TMEM233: variants seen among roughly 807,000 people sequenced by gnomAD.
TMEM233 encodes dispanin subfamily B member 2.
Under a neutral mutation model 11.2 loss-of-function variants are expected in TMEM233, and 6 were observed. The ratio of observed to expected loss-of-function variants is 0.54; its 90% CI spans 0.29 to 1.06. The LOEUF (loss-of-function observed/expected upper bound fraction) is 1.06. Among genes scored for constraint, TMEM233 ranks in the 50% least tolerant of loss-of-function variants. The pLI is 0.08. For synonymous variants in TMEM233, 59 were observed against 55.8 expected, an observed-to-expected ratio of 1.06 and a Z score of -0.26; for missense variants, 127 against 144.7, an observed-to-expected ratio of 0.88 and a Z score of 0.63.
At chr12:119,652,379 C>A in the TMEM233 span, among the ~76,000 whole-genome samples, 1 of 152,118 alleles carries the variant, frequency 6.6e-6, no homozygotes, top group Non-Finnish European at 1.5e-5. Context: ...ATTCCATTGC[C>A]TAGTACAGCT....
chr12:119,615,305 C>G (rs576116103), intron 1 of TMEM233, among the ~76,000 whole-genome samples: 1 of 151,966 alleles, frequency 6.6e-6, no homozygotes, highest in South Asian at 2.1e-4. Flanking sequence ...AGAAAGTAAG[C>G]CTCATGAGGG....
chr12:119,601,530 C>T (rs1320991230), intron 1 of TMEM233, among the ~76,000 whole-genome samples: 5 of 151,838 alleles, frequency 3.3e-5, no homozygotes, highest in African/African-American at 4.8e-5. Flanking sequence ...TGGTGGCGGG[C>T]GCCTGTAGTC....
the TMEM233 span, among the ~76,000 whole-genome samples, chr12:119,651,327 A>G: frequency 2.0e-5 from 3 of 152,336 alleles, no homozygotes; most frequent in African/African-American, 7.2e-5. Context: ...TCAGGCTACA[A>G]ACTTCCTCAT....
chr12:119,649,854 T>TTAAA, the TMEM233 span, among the ~76,000 whole-genome samples: 29 of 91,316 alleles, frequency 3.2e-4, 2 homozygotes, highest in East Asian at 7.8e-3. Context: ...GTTTAACTAT[T>TTAAA]AAAAAAAAAA....
Position 119,594,274 on chromosome 12 carries a change from C to A in TMEM233, c.186+240C>A. On this transcript the variant is annotated intron_variant, in intron 1 of 2. Transcript: ENST00000426426. The surrounding 1 kb of genome is among the most constrained non-coding windows in gnomAD (Gnocchi z 5.6). ...GAGCCCTGATCAAGCTTCCCCCAGG[C>A]TAGCTTTCCTCTTCTTTCCAGCTCC... 2.0e-6 allele frequency: 1 copy of A among 493,956 alleles called. No homozygotes were observed. The highest frequency in any genetic ancestry group is 3.6e-6 in the Non-Finnish European group (1 of 279,534). The allele number at this position is 493,956 out of a possible 1,614,324, so 30.6% of individuals were successfully genotyped here.
the TMEM233 span, among the ~76,000 whole-genome samples, chr12:119,648,421 C>T: frequency 6.6e-6 from 1 of 152,156 alleles, no homozygotes; most frequent in South Asian, 2.1e-4. Context: ...AGGTTCTTTT[C>T]CCCATGTGCC....
chr12:119,642,439 C>T lies in TMEM233; in HGVS notation c.*1734C>T, dbSNP rs1320926394. 1 of 150,996 alleles carries T rather than the reference C, an allele frequency of 6.6e-6. No homozygotes were observed. Among genetic ancestry groups the T allele is most frequent in the Non-Finnish European group, 1.5e-5 (1 of 67,872 alleles). 9.4% of individuals were successfully genotyped at this position (150,996 alleles called of 1,614,324 possible). On this transcript the variant is annotated 3_prime_UTR_variant, in exon 3 of 3. Coordinates refer to ENST00000426426, the MANE Select transcript of TMEM233 (RefSeq NM_001136534.3). ...TCCAGCCCGGGGTGACAGAGCAAGACTCCATCTCAAAAAAAAAAGAAAAGA... is the reference window on the plus strand; with the variant it reads ...TCCAGCCCGGGGTGACAGAGCAAGATTCCATCTCAAAAAAAAAAGAAAAGA...
At chr12:119,599,733 G>A (rs957391750) in intron 1 of TMEM233, among the ~76,000 whole-genome samples, 1 of 152,156 alleles carries the variant, frequency 6.6e-6, no homozygotes, top group African/African-American at 2.4e-5. Flanking sequence ...TTGAAAGTCT[G>A]TTTATGAAGT....
chr12:119,645,678 G>A (rs547976166), downstream of TMEM233, among the ~76,000 whole-genome samples: 1 of 152,184 alleles, frequency 6.6e-6, no homozygotes, highest in South Asian at 2.1e-4. Context: ...TTCATCTCGA[G>A]TACCTGTTCC....
intron 1 of TMEM233, among the ~76,000 whole-genome samples, chr12:119,605,897 C>T (rs781630350): frequency 6.6e-5 from 10 of 152,128 alleles, no homozygotes; most frequent in Non-Finnish European, 7.3e-5. Context: ...GGACAATTCT[C>T]ACTTGTCCTG....
At chr12:119,644,536 G>C (rs1412526659), downstream of TMEM233, among the ~76,000 whole-genome samples, 1 of 144,202 alleles carries the variant, frequency 6.9e-6, no homozygotes, top group Non-Finnish European at 1.5e-5. Context: ...GGAGTGCAAT[G>C]GCACGATCTC....
intron 1 of TMEM233, among the ~76,000 whole-genome samples, chr12:119,622,667 G>A (rs76943383): frequency 0.017 from 2,510 of 151,930 alleles, 61 homozygotes; most frequent in African/African-American, 0.056. Context: ...CCTTAAGCCC[G>A]AGACCCCCCC....
intron 1 of TMEM233, among the ~76,000 whole-genome samples, chr12:119,611,554 A>G (rs1306079765): frequency 6.6e-6 from 1 of 151,974 alleles, no homozygotes; most frequent in Non-Finnish European, 1.5e-5. Context: ...ATATATATAT[A>G]TATATATTCT....
intron 1 of TMEM233, among the ~76,000 whole-genome samples, chr12:119,607,329 A>G (rs1255540926): frequency 2.0e-5 from 3 of 152,108 alleles, no homozygotes; most frequent in Non-Finnish European, 4.4e-5. Context: ...AATATCACCT[A>G]CCTCAGAGCT....
chr12:119,600,192 CAAAAA>C (rs55708484), intron 1 of TMEM233, among the ~76,000 whole-genome samples: 1 of 117,730 alleles, frequency 8.5e-6, no homozygotes, highest in Non-Finnish European at 1.8e-5. Context: ...CTGCAGTTTA[CAAAAA>C]AAAAAAAAAA....
intron 1 of TMEM233, among the ~76,000 whole-genome samples, chr12:119,619,615 T>C (rs7316295): frequency 0.72 from 108,967 of 150,486 alleles, 40,162 homozygotes; most frequent in Middle Eastern, 0.83. Context: ...CACTCCAGCC[T>C]GGGTGACAGA....
intron 2 of TMEM233, among the ~76,000 whole-genome samples, chr12:119,630,503 AT>A (rs1954856420): frequency 6.6e-6 from 1 of 152,218 alleles, no homozygotes; most frequent in Non-Finnish European, 1.5e-5. Context: ...TAGCTCTGCC[AT>A]TTTAGCACAA....
chr12:119,595,583 G>A lies in TMEM233; in HGVS notation c.186+1549G>A, dbSNP rs952390723. Among the ~76,000 whole-genome samples, 1 of 152,196 alleles carries A rather than the reference G, an allele frequency of 6.6e-6. No individual in the cohort carries two copies. Among genetic ancestry groups the A allele is most frequent in the Non-Finnish European group, 1.5e-5 (1 of 68,046 alleles). On this transcript the variant is annotated intron_variant, in intron 1 of 2. Coordinates refer to ENST00000426426, the MANE Select transcript of TMEM233 (RefSeq NM_001136534.3). This position sits in a 1 kb window ranked among gnomAD's most constrained non-coding sequence, Gnocchi z 4.3. ...TGATCTCTGAAGTCACTGCATCTCT[G>A]AACCTCAGTCTCTTTGTAAAACCAG...
chr12:119,633,968 C>T (rs1954930489), intron 2 of TMEM233, among the ~76,000 whole-genome samples: 1 of 152,196 alleles, frequency 6.6e-6, no homozygotes, highest in Non-Finnish European at 1.5e-5. Context: ...TTTCAGCTGC[C>T]CCTGCTCCCA....
Sources: gnomAD v4.1 joint callset for allele counts (sites outside exome capture counted in the v4.1 genomes callset) on GRCh38, gnomAD v4.1.1 for gene constraint, Gnocchi (gnomAD v3.1) non-coding constraint, MANE v1.5 for transcripts, NCBI Gene and HGNC (gene_info 2026-07-23, HGNC 2026-07-21) for gene names.